GABRR2: variants seen among roughly 807,000 people sequenced by gnomAD.
GABRR2 encodes the protein gamma-aminobutyric acid receptor subunit rho-2.
Under a neutral mutation model 47.0 loss-of-function variants are expected in GABRR2, and 36 were observed. The observed-to-expected ratio is 0.77, with a 90% CI of 0.59 to 1.01. GABRR2 has a LOEUF of 1.01. Among genes scored for constraint, GABRR2 ranks in the 50% least tolerant of loss-of-function variants. GABRR2 has a pLI of 0.00. For synonymous variants in GABRR2, 204 were observed against 227.5 expected (o/e 0.90, Z 0.93); for missense variants, 587 against 594.6 (o/e 0.99, Z 0.13).
chr6:89,280,998 T>C lies in GABRR2; in HGVS notation c.221-9276A>G, dbSNP rs1239868870. 2.6e-5 allele frequency among the ~76,000 whole-genome samples: 4 copies of C among 152,368 alleles called. No individual in the cohort carries two copies. The East Asian group carries it at 7.7e-4, about 29-fold the overall frequency. ...TTGAAGCAAAAATAAGTAATAACGA[T>C]TTTTCACTGTTTCTCTGAATTTGAT... On this transcript the variant is annotated intron_variant, in intron 2 of 8. Transcript: ENST00000402938.
intron 2 of GABRR2, among the ~76,000 whole-genome samples, chr6:89,284,979 C>G (rs9362632): frequency 0.28 from 41,900 of 152,118 alleles, 5,952 homozygotes; most frequent in South Asian, 0.32. Flanking sequence ...AATTCCCTGT[C>G]CACAGCCGAC....
At chr6:89,299,688 A>C (rs1774615727) in intron 2 of GABRR2, 71 bp downstream of exon 2, 1 of 981,318 alleles carries the variant, frequency 1.0e-6, no homozygotes, top group Non-Finnish European at 1.6e-6. Context: ...TGCCAGAGGG[A>C]GCCAGAGAGG....
intron 2 of GABRR2, among the ~76,000 whole-genome samples, chr6:89,272,919 C>T (rs1253509014): frequency 6.6e-6 from 1 of 152,204 alleles, no homozygotes; most frequent in Non-Finnish European, 1.5e-5. Context: ...TAGAGGTCCT[C>T]TTGGAAGTAG....
intron 2 of GABRR2, among the ~76,000 whole-genome samples, chr6:89,290,635 C>T (rs1320325484): frequency 6.6e-6 from 1 of 152,222 alleles, no homozygotes; most frequent in East Asian, 1.9e-4. Context: ...GCCCCTCTTG[C>T]CTGGGTCTGA....
intron 1 of GABRR2, chr6:89,303,066 G>A (rs1450567148): frequency 1.2e-6 from 1 of 842,224 alleles, no homozygotes; most frequent in African/African-American, 1.7e-5. Flanking sequence ...AGGAGGGTGA[G>A]ATGTTCGCAG....
rs1482313173 is a variant in GABRR2, at chr6:89,280,233, T to C, written c.221-8511A>G. The stretch of plus-strand genomic sequence containing the variant: ...ACAAATATATATATATATATATATA[T>C]ATATATATATATATATATATACATA... On this transcript the variant is annotated intron_variant, in intron 2 of 8. Transcript: ENST00000402938. 1.1e-3 allele frequency among the ~76,000 whole-genome samples: 96 copies of C among 84,256 alleles called. 1 individual carries two copies. The highest frequency in any genetic ancestry group is 2.1e-3 in the South Asian group (5 of 2,398). The allele number at this position is 84,256 out of a possible 152,430, so 55.3% of individuals were successfully genotyped here.
In GABRR2 at chr6:89,267,700, G is replaced by T. The variant is rs1773933938; in HGVS notation, c.715C>A (p.Leu239Met). The change falls in exon 6 of 9, where the codon CTG (leucine) becomes ATG (methionine). Residue 239 changes from leucine to methionine, a missense_variant. By Grantham distance (15) the Leu-to-Met change is conservative. Transcript: ENST00000402938. ...LIQKFHTTSR[L>M]AFYSSTGWYN... ...CTACCAGTGCTGCTGTAGAAGGCCA[G>T]CCTGGAAGTTGTGTGAAATTTCTGA... The T allele has an allele frequency of 6.2e-7, 1 of 1,613,748 alleles. No homozygotes were observed. The highest frequency in any genetic ancestry group is 2.2e-5 in the East Asian group (1 of 44,880).
At chr6:89,304,812 GAA>G (rs749524928) in intron 1 of GABRR2, among the ~76,000 whole-genome samples, 31 of 152,144 alleles carry the variant, frequency 2.0e-4, no homozygotes, top group Non-Finnish European at 3.7e-4. Context: ...AGGTTGCAGA[GAA>G]AAGAGAACGT....
chr6:89,276,842 A>G (rs1475640135), intron 2 of GABRR2, among the ~76,000 whole-genome samples: 3 of 152,224 alleles, frequency 2.0e-5, no homozygotes, highest in African/African-American at 7.2e-5. Context: ...GCAGAGTTTT[A>G]AAAAATGATT....
intron 8 of GABRR2, among the ~76,000 whole-genome samples, chr6:89,262,088 C>T (rs1419564710): frequency 1.3e-5 from 2 of 152,054 alleles, no homozygotes; most frequent in African/African-American, 2.4e-5. Context: ...AACCAACCAA[C>T]CCCTGGCCCC....
chr6:89,306,391 A>G (rs1261887273), intron 1 of GABRR2, among the ~76,000 whole-genome samples: 1 of 152,206 alleles, frequency 6.6e-6, no homozygotes, highest in Non-Finnish European at 1.5e-5. Flanking sequence ...TGATGTTATA[A>G]GAATGGTTTT....
rs1773590084 is a variant in GABRR2, at chr6:89,255,847, A to G, written c.*1823T>C. Among the ~76,000 whole-genome samples, 1 of 152,104 alleles carries G rather than the reference A, an allele frequency of 6.6e-6. No individual in the cohort carries two copies. Among genetic ancestry groups the G allele is most frequent in the Non-Finnish European group, 1.5e-5 (1 of 68,022 alleles). ...CAACTGTGCTTACTAAGCCCACTTG[A>G]GTGTGGATGGTGTAACCAAGGAACT... is the stretch of plus-strand genomic sequence containing the variant. On this transcript the variant is annotated 3_prime_UTR_variant, in exon 9 of 9. Coordinates refer to ENST00000402938, the MANE Select transcript of GABRR2 (RefSeq NM_002043.5).
Position 89,264,526 on chromosome 6 carries a change from CA to C in GABRR2, c.971del (p.Val324GlyfsTer25). ...SMPRVSYVKAVDIYLWVSFVF... is the reference protein window; with the variant it reads ...SMPRVSYVKAXDIYLWVSFVF... ...CAAAGCTGACCCAGAGGTAGATGTC[CA>C]CGGCCTTGACGTAGGAGACGCGCGG... On this transcript the variant is annotated frameshift_variant, in exon 8 of 9. Transcript: ENST00000402938. LOFTEE classifies it high-confidence loss of function. 1 of 1,614,100 alleles carries C rather than the reference CA, an allele frequency of 6.2e-7. No individual in the cohort carries two copies. Among genetic ancestry groups the C allele is most frequent in the Non-Finnish European group, 8.5e-7 (1 of 1,180,008 alleles).
chr6:89,306,495 C>T (rs538415943), intron 1 of GABRR2, among the ~76,000 whole-genome samples: 5 of 152,354 alleles, frequency 3.3e-5, no homozygotes, highest in African/African-American at 1.2e-4. Context: ...CAGTCCAGGT[C>T]TGCAGAACCT....
Position 89,269,245 on chromosome 6 carries a change from CG to C in GABRR2, c.289-12del, listed in dbSNP as rs767516561. ...GGTCATAGTGAAGTCCTGTGGGAGC[CG>C]GGGTGAGACCAGACAAAAATGGCTT... On this transcript the variant is annotated splice_polypyrimidine_tract_variant and intron_variant, in intron 3 of 8. Coordinates refer to ENST00000402938, the MANE Select transcript of GABRR2 (RefSeq NM_002043.5). The C allele has an allele frequency of 3.5e-5, 57 of 1,609,548 alleles. No homozygotes were observed. The highest frequency in any genetic ancestry group is 4.8e-5 in the Non-Finnish European group (56 of 1,176,034).
chr6:89,297,071 C>A (rs1376811439), intron 2 of GABRR2, among the ~76,000 whole-genome samples: 1 of 152,114 alleles, frequency 6.6e-6, no homozygotes, highest in Non-Finnish European at 1.5e-5. Flanking sequence ...CGGTGCACAC[C>A]CACAAAAGAC....
intron 1 of GABRR2, among the ~76,000 whole-genome samples, chr6:89,312,751 G>A (rs937977609): frequency 1.3e-5 from 2 of 152,242 alleles, no homozygotes; most frequent in African/African-American, 4.8e-5. Flanking sequence ...GACTGTGTGT[G>A]CATTCTCATG....
At chr6:89,302,840 C>A (rs763367678) in intron 1 of GABRR2, 1 of 1,367,502 alleles carries the variant, frequency 7.3e-7, no homozygotes, top group Non-Finnish European at 1.0e-6. Context: ...TCCCACCCCC[C>A]AGCCTCAAGA....
At chr6:89,279,878 GC>G (rs1420123728) in intron 2 of GABRR2, among the ~76,000 whole-genome samples, 1 of 152,020 alleles carries the variant, frequency 6.6e-6, no homozygotes, top group Non-Finnish European at 1.5e-5. Context: ...TCCATGTAAA[GC>G]CCATGGAAAG....
Sources: gnomAD v4.1 joint callset for allele counts (sites outside exome capture counted in the v4.1 genomes callset) on GRCh38, gnomAD v4.1.1 for gene constraint, MANE v1.5 for transcripts, NCBI Gene and HGNC (gene_info 2026-07-23, HGNC 2026-07-21) for gene names.